The following EXOC6B variants were observed in gnomAD, a reference collection of about 807,000 sequenced individuals.
EXOC6B encodes exocyst complex component 6B, also known as SEC15 homolog B.
EXOC6B carries 54 observed loss-of-function variants against 113.5 expected under a neutral mutation model. That is an observed-to-expected ratio of 0.48 (90% CI 0.38 to 0.60). The LOEUF (loss-of-function observed/expected upper bound fraction) is 0.60, where lower values mean the gene tolerates loss of function less well. Ranked by LOEUF, EXOC6B falls within the 20% of genes least tolerant of loss-of-function variation. EXOC6B has a pLI of 0.00. For synonymous variants in EXOC6B, 357 were observed against 339.0 expected, an observed-to-expected ratio of 1.05 and a Z score of -0.58; for missense variants, 797 against 977.5, an observed-to-expected ratio of 0.82 and a Z score of 2.46.
rs201743586 is a variant in EXOC6B, at chr2:72,631,406, A to ATG, written c.670-55740_670-55739dup. ...TGGAGTGATATAGTAGTGTGTGTAT[A>ATG]TGTGTGTGTGTGTGTGTGTGTATAT... On this transcript the variant is annotated intron_variant, in intron 6 of 21. Coordinates refer to ENST00000272427, the MANE Select transcript of EXOC6B (RefSeq NM_015189.3). Among the ~76,000 whole-genome samples the ATG allele has an allele frequency of 3.5e-3, 361 of 102,288 alleles. 19 individuals are homozygous for ATG. The highest frequency in any genetic ancestry group is 0.011 in the African/African-American group (308 of 28,946). 67.1% of individuals were successfully genotyped at this position (102,288 alleles called of 152,430 possible).
intron 20 of EXOC6B, among the ~76,000 whole-genome samples, chr2:72,238,599 G>A (rs1315071278): frequency 1.3e-5 from 2 of 152,048 alleles, no homozygotes; most frequent in African/African-American, 2.4e-5. Context: ...AGCTATCCTA[G>A]TGTGTGTGTG....
At chr2:72,410,230 C>T (rs1178169765) in intron 18 of EXOC6B, among the ~76,000 whole-genome samples, 2 of 152,194 alleles carry the variant, frequency 1.3e-5, no homozygotes, top group African/African-American at 2.4e-5. Context: ...TTAAGTCAAG[C>T]AGCTATATCA....
chr2:72,185,642 G>A (rs901936698), intron 20 of EXOC6B, among the ~76,000 whole-genome samples: 2 of 152,040 alleles, frequency 1.3e-5, no homozygotes, highest in African/African-American at 4.8e-5. Context: ...CAAGTTAAAA[G>A]GCTTCTACCA....
At chr2:72,310,656 CAA>C (rs1361421208) in intron 20 of EXOC6B, among the ~76,000 whole-genome samples, 1 of 151,518 alleles carries the variant, frequency 6.6e-6, no homozygotes, top group Non-Finnish European at 1.5e-5. Context: ...ACAAAAGAAA[CAA>C]AAAGTTTTTA....
intron 7 of EXOC6B, among the ~76,000 whole-genome samples, chr2:72,561,442 A>G (rs1470265203): frequency 1.3e-5 from 2 of 152,156 alleles, no homozygotes; most frequent in Non-Finnish European, 2.9e-5. Context: ...TAGCAAATTC[A>G]ATCATAATTT....
At chr2:72,438,967 A>G (rs556802929) in intron 18 of EXOC6B, among the ~76,000 whole-genome samples, 2 of 152,330 alleles carry the variant, frequency 1.3e-5, no homozygotes, top group South Asian at 2.1e-4. Flanking sequence ...AGGAAATAGT[A>G]AGTTAATTCC....
intron 6 of EXOC6B, among the ~76,000 whole-genome samples, chr2:72,649,629 A>G (rs550876022): frequency 1.3e-5 from 2 of 152,290 alleles, no homozygotes; most frequent in East Asian, 3.9e-4. Flanking sequence ...AGCTAAAAAC[A>G]ATTTTGAAGA....
At chr2:72,183,150 C>G (rs926466319) in intron 21 of EXOC6B, among the ~76,000 whole-genome samples, 6 of 152,128 alleles carry the variant, frequency 3.9e-5, no homozygotes, top group Admixed American at 3.9e-4. Context: ...CTCTGACTTC[C>G]TGGACTCTGA....
chr2:72,374,077 A>C lies in EXOC6B; in HGVS notation c.2122+5652T>G, dbSNP rs145339921. On this transcript the variant is annotated intron_variant, in intron 19 of 21. Transcript: ENST00000272427. ...AGAGTGAGACCCTGTCTCAAAAAAAAAATTTTTTTTTAAATCCACTATGGA... is the reference window on the plus strand; with the variant it reads ...AGAGTGAGACCCTGTCTCAAAAAAACAATTTTTTTTTAAATCCACTATGGA... Among the ~76,000 whole-genome samples, 26 of 152,340 alleles carry C rather than the reference A, an allele frequency of 1.7e-4. 1 individual carries two copies. In the East Asian group the frequency reaches 3.9e-3, roughly 23 times the overall value.
intron 20 of EXOC6B, among the ~76,000 whole-genome samples, chr2:72,255,214 C>T (rs183158341): frequency 1.1e-4 from 17 of 152,260 alleles, no homozygotes; most frequent in African/African-American, 3.9e-4. Flanking sequence ...CTGTGACATA[C>T]ACAGGACACC....
chr2:72,747,260 T>C (rs563227391), intron 1 of EXOC6B, among the ~76,000 whole-genome samples: 1 of 152,198 alleles, frequency 6.6e-6, no homozygotes, highest in East Asian at 1.9e-4. Context: ...GACCAGTTAA[T>C]ATATGGTGGT....
chr2:72,496,484 T>C lies in EXOC6B; in HGVS notation c.1413A>G (p.Gln471=), dbSNP rs1573256571. Residue 471 remains glutamine, a synonymous_variant, in exon 14 of 22, where the codon CAA becomes CAG. Coordinates refer to ENST00000272427, the MANE Select transcript of EXOC6B (RefSeq NM_015189.3). The part of the protein sequence containing the change: ...SEEMYKKVVG[Q]FPFQDIELEK... ...CCAGTTCTATATCTTGAAATGGGAA[T>C]TGTCCTACCACCTTTTTGTACATCT... 1.2e-6 allele frequency: 2 copies of C among 1,600,050 alleles called. No individual in the cohort carries two copies. Among genetic ancestry groups the C allele is most frequent in the Non-Finnish European group, 8.5e-7 (1 of 1,171,168 alleles).
intron 18 of EXOC6B, among the ~76,000 whole-genome samples, chr2:72,434,679 T>C (rs1196121173): frequency 6.6e-6 from 1 of 152,228 alleles, no homozygotes; most frequent in African/African-American, 2.4e-5. Context: ...CTAGATTTTC[T>C]AGTTTATTTG....
At chr2:72,244,401 C>A (rs1042236357) in intron 20 of EXOC6B, among the ~76,000 whole-genome samples, 5 of 151,796 alleles carry the variant, frequency 3.3e-5, no homozygotes, top group African/African-American at 4.8e-5. Context: ...ATGCAGCAAA[C>A]GTAATTTTCA....
At chr2:72,672,563 AAG>A (rs1233026782) in intron 6 of EXOC6B, among the ~76,000 whole-genome samples, 6 of 134,600 alleles carry the variant, frequency 4.5e-5, no homozygotes, top group South Asian at 2.4e-4. Context: ...AAAAAAAAAA[AAG>A]AAAAAGAAAA....
At chr2:72,248,027 G>A (rs1028981799) in intron 20 of EXOC6B, among the ~76,000 whole-genome samples, 1 of 152,186 alleles carries the variant, frequency 6.6e-6, no homozygotes, top group African/African-American at 2.4e-5. Context: ...CCAAATCTCA[G>A]AGAGTGATTC....
intron 6 of EXOC6B, among the ~76,000 whole-genome samples, chr2:72,621,391 A>C (rs1183735271): frequency 6.6e-6 from 1 of 152,202 alleles, no homozygotes; most frequent in African/African-American, 2.4e-5. Flanking sequence ...ATCCTAAGCA[A>C]ACTGATGCAG....
intron 6 of EXOC6B, among the ~76,000 whole-genome samples, chr2:72,662,659 G>A (rs147633805): frequency 1.2e-4 from 18 of 152,186 alleles, no homozygotes; most frequent in Non-Finnish European, 2.4e-4. Context: ...AATACCAAGT[G>A]CTAAGTGAGG....
At chr2:72,338,910 CACACAT>C (rs70963125) in intron 19 of EXOC6B, among the ~76,000 whole-genome samples, 4,778 of 142,492 alleles carry the variant, frequency 0.034, 136 homozygotes, top group Admixed American at 0.08. Flanking sequence ...TGGAAGAACA[CACACAT>C]ACACATACAC....
Sources: gnomAD v4.1 joint callset for allele counts (sites outside exome capture counted in the v4.1 genomes callset) on GRCh38, gnomAD v4.1.1 for gene constraint, MANE v1.5 for transcripts, NCBI Gene and HGNC (gene_info 2026-07-23, HGNC 2026-07-21) for gene names.